CDH23: variants seen among roughly 807,000 people sequenced by gnomAD.
CDH23 encodes the protein cadherin related 23.
CDH23 carries 189 observed loss-of-function variants against 317.1 expected under a neutral mutation model. The observed-to-expected ratio is 0.60, with a 90% CI of 0.53 to 0.67. The LOEUF (loss-of-function observed/expected upper bound fraction) is 0.67, where lower values mean the gene tolerates loss of function less well. CDH23 is among the 30% of genes least tolerant of loss of function. The pLI is 0.00. For missense variants in CDH23, 4,401 were observed against 4,592.4 expected (o/e 0.96, Z 1.20); for synonymous variants, 1,839 against 1,876.8 (o/e 0.98, Z 0.52).
intron 1 of CDH23, among the ~76,000 whole-genome samples, chr10:71,431,266 G>A (rs10823748): frequency 0.31 from 46,749 of 152,170 alleles, 7,378 homozygotes; most frequent in Middle Eastern, 0.44. Context: ...GGAGGCTGAT[G>A]TCTGTGGCTC....
At chr10:71,411,779 T>C (rs1589274077) in intron 1 of CDH23, among the ~76,000 whole-genome samples, 1 of 152,326 alleles carries the variant, frequency 6.6e-6, no homozygotes, top group Non-Finnish European at 1.5e-5. Context: ...AAAGTTTTCT[T>C]CTAATTTTTT....
chr10:71,694,896 C>T (rs1272350058), intron 21 of CDH23, among the ~76,000 whole-genome samples: 1 of 152,208 alleles, frequency 6.6e-6, no homozygotes, highest in Non-Finnish European at 1.5e-5. Flanking sequence ...GCAGCCACCC[C>T]ATCCTTACCC....
At chr10:71,811,887 ACCC>A in intron 65 of CDH23, 65 bp from the exon 66 acceptor site, 3 of 1,534,826 alleles carry the variant, frequency 2.0e-6, no homozygotes, top group Non-Finnish European at 2.6e-6. Flanking sequence ...ATCCTCCCTC[ACCC>A]CCCAACACCA....
intron 3 of CDH23, among the ~76,000 whole-genome samples, chr10:71,472,097 C>T (rs1415116824): frequency 1.3e-5 from 2 of 152,216 alleles, no homozygotes; most frequent in Non-Finnish European, 2.9e-5. Context: ...CAGCTCCATT[C>T]TTGGCCACCT....
chr10:71,551,878 G>A (rs1856616565), intron 6 of CDH23, among the ~76,000 whole-genome samples: 1 of 152,160 alleles, frequency 6.6e-6, no homozygotes, highest in South Asian at 2.1e-4. Flanking sequence ...CAGGGACAGA[G>A]GCACCATCAT....
intron 38 of CDH23, among the ~76,000 whole-genome samples, chr10:71,771,593 A>G (rs148726703): frequency 2.6e-5 from 4 of 152,358 alleles, no homozygotes; most frequent in African/African-American, 9.6e-5. Context: ...GTCACAGTTC[A>G]GAATCCTGAG....
intron 9 of CDH23, among the ~76,000 whole-genome samples, chr10:71,593,328 C>T (rs1859625191): frequency 6.6e-6 from 1 of 152,134 alleles, no homozygotes; most frequent in South Asian, 2.1e-4. Context: ...CCAAGGTAGA[C>T]TCCAGATGGA....
chr10:71,492,834 T>TG (rs953712854), intron 3 of CDH23, among the ~76,000 whole-genome samples: 1 of 152,154 alleles, frequency 6.6e-6, no homozygotes, highest in African/African-American at 2.4e-5. Flanking sequence ...GAGTCTGCCG[T>TG]GGGGGGCTCG....
intron 11 of CDH23, among the ~76,000 whole-genome samples, chr10:71,630,805 A>C (rs978934277): frequency 6.6e-6 from 1 of 152,186 alleles, no homozygotes; most frequent in Non-Finnish European, 1.5e-5. Flanking sequence ...GGCCGATCTC[A>C]AGCTACTGGC....
Position 71,677,577 on chromosome 10 carries a change from C to T in CDH23, c.1636C>T (p.Arg546Trp), listed in dbSNP as rs1319955478. The change falls in exon 16 of 70, where the codon CGG (arginine) becomes TGG (tryptophan). Residue 546 changes from arginine to tryptophan, a missense_variant. By Grantham distance (101) the Arg-to-Trp change is moderately radical (BLOSUM62 -3). Transcript: ENST00000224721. ...RDGGGEETTG[R>W]VRINVLDVND... ...CGGGGGCGGCGAGGAGACCACAGGC[C>T]GGGTCAGGATCAATGTGTTGGATGT... 23 of 1,610,210 alleles carry T rather than the reference C, an allele frequency of 1.4e-5. No homozygotes were observed. Among genetic ancestry groups the T allele is most frequent in the African/African-American group, 2.7e-5 (2 of 74,828 alleles).
intron 30 of CDH23, among the ~76,000 whole-genome samples, chr10:71,726,345 C>T (rs1208409943): frequency 2.0e-5 from 3 of 152,156 alleles, no homozygotes; most frequent in Non-Finnish European, 4.4e-5. Context: ...CTTATCAGCC[C>T]CATCTCCACC....
intron 22 of CDH23, among the ~76,000 whole-genome samples, chr10:71,696,045 CCT>C (rs1865377446): frequency 6.6e-6 from 1 of 152,206 alleles, no homozygotes; most frequent in Admixed American, 6.5e-5. Context: ...TGCACAGGCC[CCT>C]GTGTGTGTTG....
At chr10:71,414,640 G>T (rs1848464196) in intron 1 of CDH23, among the ~76,000 whole-genome samples, 1 of 58,558 alleles carries the variant, frequency 1.7e-5, no homozygotes, top group Non-Finnish European at 3.2e-5. Flanking sequence ...TTTCATCTGT[G>T]TTCATGTGAT....
intron 35 of CDH23, 41 bp downstream of exon 35, chr10:71,738,688 C>T (rs530722530): frequency 9.3e-5 from 149 of 1,599,870 alleles, no homozygotes; most frequent in Middle Eastern, 3.4e-4. Context: ...ACCATGTCAG[C>T]GGGGCTCCCA....
intron 38 of CDH23, among the ~76,000 whole-genome samples, chr10:71,769,672 C>G (rs1045657957): frequency 6.6e-6 from 1 of 152,134 alleles, no homozygotes; most frequent in Admixed American, 6.5e-5. Flanking sequence ...TGTTTGTGTT[C>G]CCATGATGAG....
intron 1 of CDH23, among the ~76,000 whole-genome samples, chr10:71,437,177 A>G (rs1247829001): frequency 2.0e-5 from 3 of 152,334 alleles, no homozygotes; most frequent in African/African-American, 7.2e-5. Context: ...GGGACTGAGA[A>G]TTGCCACAGC....
At position 71,677,641 on chromosome 10, in the gene CDH23, T is replaced by C; in HGVS notation, c.1700T>C (p.Val567Ala). ...CCCACCTTCCAGAAGGATGCCTACG[T>C]GGGTGCTCTGCGGGAGAACGAGCCT... ...NVPTFQKDAY[V>A]GALRENEPSV... is the part of the protein sequence containing the mutation. The change falls in exon 16 of 70, where the codon GTG (valine) becomes GCG (alanine). Residue 567 changes from valine (V) to alanine (A), a missense_variant. By Grantham distance (64) the Val-to-Ala change is moderately conservative (BLOSUM62 0). This residue lies in a region of CDH23 where 3,068 missense variants were observed against 3,203.3 expected (regional missense o/e 0.96). Transcript: ENST00000224721. 6.3e-7 allele frequency: 1 copy of C among 1,589,486 alleles called. No individual in the cohort carries two copies. The highest frequency in any genetic ancestry group is 8.6e-7 in the Non-Finnish European group (1 of 1,168,286).
intron 14 of CDH23, among the ~76,000 whole-genome samples, chr10:71,669,608 C>T (rs59843444): frequency 0.019 from 2,891 of 152,150 alleles, 96 homozygotes; most frequent in African/African-American, 0.064. Context: ...CCACTATGTC[C>T]GGCTAATTTT....
At position 71,459,422 on chromosome 10, in the gene CDH23, G is replaced by C. The variant is rs550682904; in HGVS notation, c.145+13027G>C. 1.5e-3 allele frequency among the ~76,000 whole-genome samples: 225 copies of C among 152,294 alleles called. 1 individual carries two copies. The highest frequency in any genetic ancestry group is 4.9e-3 in the African/African-American group (204 of 41,550). On this transcript the variant is annotated intron_variant, in intron 3 of 69. Transcript: ENST00000224721. ...TTAAACCGTGCTTGGCAAATAGTAA[G>C]CACTAGGAGAAGTTAACTATTATTA...
Sources: allele counts gnomAD v4.1 joint callset (sites outside exome capture counted in the v4.1 genomes callset), GRCh38; gene constraint gnomAD v4.1.1; regional missense constraint gnomAD v4.1.1; transcripts MANE v1.5; gene names NCBI Gene and HGNC (gene_info 2026-07-23, HGNC 2026-07-21).